The following BBS2 variants were observed in gnomAD, a reference collection of about 807,000 sequenced individuals.
BBS2 encodes the protein Bardet-Biedl syndrome 2.
Under a neutral mutation model 83.0 loss-of-function variants are expected in BBS2, and 62 were observed. The ratio of observed to expected loss-of-function variants is 0.75; its 90% confidence interval spans 0.61 to 0.92. The LOEUF (loss-of-function observed/expected upper bound fraction) is 0.92. Among genes scored for constraint, BBS2 ranks in the 40% least tolerant of loss-of-function variants. The pLI is 0.00. For synonymous variants in BBS2, 303 were observed against 326.1 expected (o/e 0.93, Z 0.76); for missense variants, 784 against 901.0 (o/e 0.87, Z 1.66).
chr16:56,497,681 A>C, intron 14 of BBS2, 62 bp downstream of exon 14: 1 of 1,593,966 alleles, frequency 6.3e-7, no homozygotes, highest in Non-Finnish European at 8.6e-7. Context: ...TAGTACCATT[A>C]ATCTCCTCAA....
downstream of BBS2, among the ~76,000 whole-genome samples, chr16:56,483,264 G>A (rs1357981468): frequency 6.6e-6 from 1 of 152,100 alleles, no homozygotes; most frequent in Admixed American, 6.5e-5. Flanking sequence ...TAATCTTATG[G>A]TGACCTAAAC....
At chr16:56,472,455 A>G (rs944583442) in intron 17 of BBS2, among the ~76,000 whole-genome samples, 2 of 152,234 alleles carry the variant, frequency 1.3e-5, no homozygotes, top group African/African-American at 4.8e-5. Flanking sequence ...ACTGTTTACG[A>G]AGTTTACCAT....
intron 7 of BBS2, among the ~76,000 whole-genome samples, chr16:56,504,868 T>C (rs533300154): frequency 6.6e-6 from 1 of 152,310 alleles, no homozygotes; most frequent in East Asian, 1.9e-4. Context: ...ATGAATGGTA[T>C]TGGCAAGTAG....
rs2144181587 is a variant in BBS2, at chr16:56,511,189, G to A, written c.441C>T (p.Phe147=). 3 of 1,614,078 alleles carry A rather than the reference G, an allele frequency of 1.9e-6. No homozygotes were observed. Among genetic ancestry groups the A allele is most frequent in the Non-Finnish European group, 2.5e-6 (3 of 1,180,014 alleles). ...IIGGNCALQG[F]NHEGSDLFWT... is the part of the protein sequence containing the mutation. ...AAAAGAGATCACTTCCTTCATGATT[G>A]AAACCTTGCAGAGCACAATTGCCAC... The change falls in exon 3 of 17, where the codon TTC becomes TTT. Residue 147 remains phenylalanine (F), a synonymous_variant. Transcript: ENST00000245157.
chr16:56,500,898 G>A lies in BBS2; in HGVS notation c.1353C>T (p.Val451=). The part of the protein sequence containing the change: ...ICIPIVPPKD[V]PVDLHLKAFV... ...ATGCCTTCAAGTGCAGATCCACAGG[G>A]ACATCTTTGGGAGGCACAATAGGGA... Residue 451 remains valine, a synonymous_variant, in exon 11 of 17, where the codon GTC becomes GTT. Coordinates refer to ENST00000245157, the MANE Select transcript of BBS2 (RefSeq NM_031885.5). 2 of 1,614,192 alleles carry A rather than the reference G, an allele frequency of 1.2e-6. No individual in the cohort carries two copies. Among genetic ancestry groups the A allele is most frequent in the Non-Finnish European group, 1.7e-6 (2 of 1,180,028 alleles).
chr16:56,500,618 C>G (rs186468825), intron 11 of BBS2: 3 of 475,142 alleles, frequency 6.3e-6, no homozygotes, highest in Non-Finnish European at 1.1e-5. Context: ...AAGCTAGAAT[C>G]TGTCTCAAAA....
chr16:56,493,451 T>C (rs1964021725), intron 15 of BBS2, among the ~76,000 whole-genome samples: 1 of 149,156 alleles, frequency 6.7e-6, no homozygotes, highest in Admixed American at 6.7e-5. Context: ...TGACTTAATC[T>C]AAGACATGAA....
intron 17 of BBS2, chr16:56,479,177 A>C (rs1336124058): frequency 6.6e-6 from 1 of 152,220 alleles, no homozygotes; most frequent in Admixed American, 6.5e-5. Context: ...CCCCAAAGAA[A>C]ATAGCTCTAT....
In BBS2 at chr16:56,496,984, A is replaced by G. The variant is rs201444142; in HGVS notation, c.1893T>C (p.Ala631=). ...IRSLLVGAED[A]RLMRDMKTMK... ...ATACTCACATGTCCCTCATCAGACG[A>G]GCATCCTCAGCTCCGACCAGCAAAC... Residue 631 remains alanine, a synonymous_variant, in exon 15 of 17, where the codon GCT becomes GCC. Transcript: ENST00000245157. 1 of 1,613,794 alleles carries G rather than the reference A, an allele frequency of 6.2e-7. No individual in the cohort carries two copies. Among genetic ancestry groups the G allele is most frequent in the Non-Finnish European group, 8.5e-7 (1 of 1,179,650 alleles).
At chr16:56,470,943 G>A (rs1415848780) in intron 17 of BBS2, 2 of 722,142 alleles carry the variant, frequency 2.8e-6, no homozygotes, top group African/African-American at 1.8e-5. Context: ...CTGGTCTTTG[G>A]GAGCTTACAT....
At chr16:56,511,419 C>T in intron 2 of BBS2, 135 bp from the exon 3 acceptor site, 1 of 1,183,232 alleles carries the variant, frequency 8.5e-7, no homozygotes, top group Non-Finnish European at 1.2e-6. Flanking sequence ...GTGGGCCTCA[C>T]ACATTAACTG....
chr16:56,496,480 TTTCTC>T (rs1418657249), intron 15 of BBS2, among the ~76,000 whole-genome samples: 5 of 152,226 alleles, frequency 3.3e-5, no homozygotes, highest in Non-Finnish European at 7.4e-5. Flanking sequence ...AGTTTACTCT[TTTCTC>T]TAACTATACA....
chr16:56,490,429 G>A (rs922008308), intron 15 of BBS2, among the ~76,000 whole-genome samples: 6 of 151,874 alleles, frequency 4.0e-5, no homozygotes, highest in South Asian at 2.1e-4. Context: ...AGGCCAAGGC[G>A]GGCAGATCAC....
At chr16:56,487,085 T>C (rs1016956254) in intron 15 of BBS2, among the ~76,000 whole-genome samples, 4 of 152,176 alleles carry the variant, frequency 2.6e-5, no homozygotes, top group East Asian at 3.9e-4. Flanking sequence ...TATATCTCGA[T>C]TGTAGTAGTA....
Position 56,499,985 on chromosome 16 carries a change from G to A in BBS2, c.1398-78C>T, listed in dbSNP as rs1198022608. 3 of 1,558,280 alleles carry A rather than the reference G, an allele frequency of 1.9e-6. No homozygotes were observed. In the African/African-American group the frequency reaches 4.1e-5, roughly 21 times the overall value. On this transcript the variant is annotated intron_variant, in intron 11 of 16. Transcript: ENST00000245157. ...CAAAATGCAAGGCCCAGAAAATAAA[G>A]CCACTTCTGGGTCATCAATTGATAT...
chr16:56,516,415 G>A (rs1395842167), intron 1 of BBS2, among the ~76,000 whole-genome samples: 1 of 152,112 alleles, frequency 6.6e-6, no homozygotes, highest in Non-Finnish European at 1.5e-5. Flanking sequence ...TATGTTTTTT[G>A]AGACGGAGTC....
chr16:56,489,294 T>TC (rs1217059133), intron 15 of BBS2, among the ~76,000 whole-genome samples: 1 of 151,600 alleles, frequency 6.6e-6, no homozygotes, highest in African/African-American at 2.4e-5. Flanking sequence ...TGAGCTGTGA[T>TC]CACACCACTG....
chr16:56,483,702 A>G (rs1173567353), downstream of BBS2, among the ~76,000 whole-genome samples: 1 of 142,924 alleles, frequency 7.0e-6, no homozygotes, highest in South Asian at 2.2e-4. Context: ...AAATATCCAC[A>G]TTTTTTTTTT....
downstream of BBS2, among the ~76,000 whole-genome samples, chr16:56,480,352 CAAAAAAAAAAAA>C (rs1286219655): frequency 3.9e-5 from 3 of 76,592 alleles, 1 homozygote; most frequent in Admixed American, 4.1e-4. Context: ...CACACACACA[CAAAAAAAAAAAA>C]ACAAAAAAAA....
Sources: gnomAD v4.1 joint callset for allele counts (sites outside exome capture counted in the v4.1 genomes callset) on GRCh38, gnomAD v4.1.1 for gene constraint, MANE v1.5 for transcripts, NCBI Gene and HGNC (gene_info 2026-07-23, HGNC 2026-07-21) for gene names.